Variants in ADCY8 observed in about 807,000 individuals in gnomAD.
ADCY8 encodes the protein adenylate cyclase type 8.
A neutral mutation model predicts 119.7 loss-of-function variants in ADCY8; 51 were observed. That is an observed-to-expected ratio of 0.43 (90% CI 0.34 to 0.54). ADCY8 has a LOEUF of 0.54. Ranked by LOEUF, ADCY8 falls within the 20% of genes least tolerant of loss-of-function variation. The pLI, the probability that ADCY8 is intolerant of heterozygous loss-of-function variation, is 0.03. For synonymous variants in ADCY8, 665 were observed against 651.0 expected, an observed-to-expected ratio of 1.02 and a Z score of -0.33; for missense variants, 1,383 against 1,598.8, an observed-to-expected ratio of 0.87 and a Z score of 2.30.
chr8:130,874,873 C>T (rs1008674837), intron 8 of ADCY8, among the ~76,000 whole-genome samples: 1 of 152,156 alleles, frequency 6.6e-6, no homozygotes, highest in African/African-American at 2.4e-5. Context: ...CCCACACCCC[C>T]AGCCATGGAG....
In ADCY8 at chr8:131,039,453, A is replaced by G; in HGVS notation, c.881T>C (p.Leu294Pro). 2 of 1,614,208 alleles carry G rather than the reference A, an allele frequency of 1.2e-6. No individual in the cohort carries two copies. Among genetic ancestry groups the G allele is most frequent in the Non-Finnish European group, 1.7e-6 (2 of 1,180,044 alleles). Residue 294 changes from leucine to proline, a missense_variant, in exon 1 of 18, where the codon CTG becomes CCG. Physicochemically the swap from Leu to Pro is moderately conservative, Grantham distance 98 (BLOSUM62 -3). This residue lies in a region of ADCY8 where 455 missense variants were observed against 435.3 expected (regional missense o/e 1.05). Transcript: ENST00000286355. ...MLPLPLTWAI[L>P]AGLGTSLLQV... ...CAGCAGCGAGGTGCCCAGGCCGGCCAGGATGGCCCAGGTGAGCGGCAGCGG... is the reference window on the plus strand; with the variant it reads ...CAGCAGCGAGGTGCCCAGGCCGGCCGGGATGGCCCAGGTGAGCGGCAGCGG...
In ADCY8 at chr8:130,847,665, A is replaced by T. The variant is rs1817376159; in HGVS notation, c.2413-152T>A. ...TGAACCCTAGAGGGGACTTGAAGTC[A>T]GAATGGAAGTGCCAAAGTGCCAGCT... On this transcript the variant is annotated intron_variant, in intron 10 of 17. Transcript: ENST00000286355. 6 of 618,780 alleles carry T rather than the reference A, an allele frequency of 9.7e-6. No homozygotes were observed. In the East Asian group the frequency reaches 1.7e-4, roughly 17 times the overall value. 38.3% of individuals were successfully genotyped at this position (618,780 alleles called of 1,614,324 possible).
intron 11 of ADCY8, among the ~76,000 whole-genome samples, chr8:130,844,805 A>G (rs1817248758): frequency 6.6e-6 from 1 of 152,136 alleles, no homozygotes; most frequent in Admixed American, 6.6e-5. Flanking sequence ...GAACAAGATG[A>G]CCGTTTCATT....
At chr8:130,917,763 T>TTGTGTGTGTG (rs146136196) in intron 5 of ADCY8, among the ~76,000 whole-genome samples, 13 of 147,436 alleles carry the variant, frequency 8.8e-5, no homozygotes, top group African/African-American at 2.2e-4. Flanking sequence ...CACAGGGAGT[T>TTGTGTGTGTG]TGTGTGTGTG....
Position 130,836,398 on chromosome 8 carries a change from G to T in ADCY8, c.2554C>A (p.Arg852=). 6.2e-7 allele frequency: 1 copy of T among 1,613,894 alleles called. No individual in the cohort carries two copies. Among genetic ancestry groups the T allele is most frequent in the Non-Finnish European group, 8.5e-7 (1 of 1,179,914 alleles). Reference sequence around the variant, plus strand: ...GCCAGCTTCAGGACGGAGTTCAGCCGGAGGAAAACTGCACAGGTCACCATG... The same window carrying T: ...GCCAGCTTCAGGACGGAGTTCAGCCTGAGGAAAACTGCACAGGTCACCATG... ...LAMVTCAVFL[R]LNSVLKLAVL... Residue 852 remains arginine (R), a synonymous_variant, in exon 12 of 18, where the codon CGG becomes AGG. Coordinates refer to ENST00000286355, the MANE Select transcript of ADCY8 (RefSeq NM_001115.3).
intron 15 of ADCY8, among the ~76,000 whole-genome samples, chr8:130,796,156 T>G (rs1815572606): frequency 6.6e-6 from 1 of 152,236 alleles, no homozygotes; most frequent in Non-Finnish European, 1.5e-5. Context: ...TTCTCTTCTC[T>G]TCAGAATCAC....
chr8:130,784,450 T>A (rs1227957118), intron 16 of ADCY8, among the ~76,000 whole-genome samples: 1 of 152,200 alleles, frequency 6.6e-6, no homozygotes, highest in East Asian at 1.9e-4. Flanking sequence ...TGAATGAGAT[T>A]TTTTATATGA....
chr8:130,781,670 T>G (rs1467578510), intron 17 of ADCY8, among the ~76,000 whole-genome samples: 1 of 152,184 alleles, frequency 6.6e-6, no homozygotes, highest in Non-Finnish European at 1.5e-5. Flanking sequence ...TACCCACCTT[T>G]GTGCCTTTGT....
intron 2 of ADCY8, among the ~76,000 whole-genome samples, chr8:130,956,985 G>T (rs1821448110): frequency 6.6e-6 from 1 of 152,174 alleles, no homozygotes; most frequent in Non-Finnish European, 1.5e-5. Context: ...CTAGTAGCGT[G>T]AAAACAGACG....
In ADCY8 at chr8:131,039,455, G is replaced by C. The variant is rs199902296; in HGVS notation, c.879C>G (p.Ile293Met). ...GCAGCGAGGTGCCCAGGCCGGCCAG[G>C]ATGGCCCAGGTGAGCGGCAGCGGCA... ...SMLPLPLTWA[I>M]LAGLGTSLLQ... is the part of the protein sequence containing the mutation. The change falls in exon 1 of 18, where the codon ATC becomes ATG. Residue 293 changes from isoleucine to methionine, a missense_variant. By Grantham distance (10) the Ile-to-Met change is conservative (BLOSUM62 1). This residue lies in a region of ADCY8 where 455 missense variants were observed against 435.3 expected (regional missense o/e 1.05). Transcript: ENST00000286355. 6.2e-7 allele frequency: 1 copy of C among 1,614,078 alleles called. No homozygotes were observed. The highest frequency in any genetic ancestry group is 8.5e-7 in the Non-Finnish European group (1 of 1,180,050).
chr8:130,857,684 T>G (rs1407501414), intron 9 of ADCY8, among the ~76,000 whole-genome samples: 1 of 152,218 alleles, frequency 6.6e-6, no homozygotes, highest in African/African-American at 2.4e-5. Context: ...CTTGTTTGTG[T>G]TGATAGCATC....
rs17250143 is a variant in ADCY8, at chr8:131,007,281, G to C, written c.961-16739C>G. 3.9e-3 allele frequency among the ~76,000 whole-genome samples: 595 copies of C among 152,286 alleles called. 4 individuals carry two copies. Among genetic ancestry groups the C allele is most frequent in the Middle Eastern group, 0.014 (4 of 294 alleles). The stretch of plus-strand genomic sequence containing the variant: ...TGTTAGGCAAAATTTGCAAGTACTA[G>C]ATCTCCCAGACTCCCAGCACCATTT... On this transcript the variant is annotated intron_variant, in intron 1 of 17. Coordinates refer to ENST00000286355, the MANE Select transcript of ADCY8 (RefSeq NM_001115.3).
intron 2 of ADCY8, among the ~76,000 whole-genome samples, chr8:130,977,836 C>G (rs900329062): frequency 6.6e-5 from 10 of 152,208 alleles, no homozygotes; most frequent in Non-Finnish European, 1.3e-4. Flanking sequence ...CTCTGTGTTG[C>G]AGAATCTGAT....
chr8:130,945,146 C>T (rs1033107034), intron 3 of ADCY8, among the ~76,000 whole-genome samples: 18 of 152,116 alleles, frequency 1.2e-4, no homozygotes, highest in African/African-American at 4.1e-4. Context: ...AATTCAAGGG[C>T]AGCCAGTCAG....
At chr8:131,023,291 C>A (rs1234474493) in intron 1 of ADCY8, among the ~76,000 whole-genome samples, 1 of 152,182 alleles carries the variant, frequency 6.6e-6, no homozygotes, top group Non-Finnish European at 1.5e-5. Flanking sequence ...GGAATCAACA[C>A]CAATAAATTA....
chr8:130,934,056 G>T (rs1318318118), intron 5 of ADCY8, among the ~76,000 whole-genome samples: 3 of 152,150 alleles, frequency 2.0e-5, no homozygotes, highest in Non-Finnish European at 4.4e-5. Context: ...TATTTCTAGG[G>T]CTTAGCCCAG....
At chr8:130,984,377 T>C (rs1822333319) in intron 2 of ADCY8, among the ~76,000 whole-genome samples, 1 of 152,154 alleles carries the variant, frequency 6.6e-6, no homozygotes, top group Admixed American at 6.5e-5. Context: ...ACCAATGGAT[T>C]CCTGCCTCAC....
At chr8:130,825,959 C>T (rs905795674) in intron 12 of ADCY8, among the ~76,000 whole-genome samples, 1 of 152,158 alleles carries the variant, frequency 6.6e-6, no homozygotes, top group African/African-American at 2.4e-5. Context: ...ACTACTTCCG[C>T]AGGATCTTTC....
intron 9 of ADCY8, 86 bp from the exon 10 acceptor site, chr8:130,849,889 C>T: frequency 9.4e-7 from 1 of 1,058,564 alleles, no homozygotes; most frequent in Non-Finnish European, 1.4e-6. Context: ...CTTTCCCATC[C>T]CTTGCATCGG....
Sources: gnomAD v4.1 joint callset for allele counts (sites outside exome capture counted in the v4.1 genomes callset) on GRCh38, gnomAD v4.1.1 for gene constraint, gnomAD v4.1.1 regional missense constraint, MANE v1.5 for transcripts, NCBI Gene and HGNC (gene_info 2026-07-23, HGNC 2026-07-21) for gene names.